Variants in ATG4B observed in about 807,000 individuals in gnomAD.
ATG4B encodes the protein cysteine protease ATG4B.
In ATG4B, 29 loss-of-function variants were observed where a neutral mutation model predicts 56.6. The ratio of observed to expected loss-of-function variants is 0.51; its 90% CI spans 0.38 to 0.70. The LOEUF is 0.70. Among genes scored for constraint, ATG4B ranks in the 30% least tolerant of loss-of-function variants. The pLI is 0.00. For synonymous variants in ATG4B, 224 were observed against 206.1 expected, an observed-to-expected ratio of 1.09 and a Z score of -0.74; for missense variants, 461 against 515.5, an observed-to-expected ratio of 0.89 and a Z score of 1.02.
chr2:241,640,747 G>A (rs191552612), intron 1 of ATG4B, among the ~76,000 whole-genome samples: 1 of 152,282 alleles, frequency 6.6e-6, no homozygotes, highest in African/African-American at 2.4e-5. Context: ...AGTGTAGGAG[G>A]AAGGGCAGGT....
intron 7 of ATG4B, among the ~76,000 whole-genome samples, chr2:241,663,015 C>CA (rs2068637977): frequency 6.6e-6 from 1 of 152,122 alleles, no homozygotes; most frequent in Non-Finnish European, 1.5e-5. Context: ...GTGGGTAGAT[C>CA]ACATGAGGTC....
At chr2:241,669,708 T>C (rs1356329726) in intron 10 of ATG4B, among the ~76,000 whole-genome samples, 3 of 152,182 alleles carry the variant, frequency 2.0e-5, no homozygotes, top group Admixed American at 6.5e-5. Context: ...GGGTTTTCAC[T>C]GTGTTAGCCA....
rs1260655551 is a variant in ATG4B, at chr2:241,655,362, C to T, written c.458+19C>T. The stretch of plus-strand genomic sequence containing the variant: ...TCCTGAAGTATGTACTGCGCTTCCA[C>T]TGCTGAGCATGGGGCAGCAGGGATG... On this transcript the variant is annotated intron_variant, in intron 6 of 12. Transcript: ENST00000404914. 1.9e-6 allele frequency: 3 copies of T among 1,598,402 alleles called. No homozygotes were observed. In the African/African-American group the frequency reaches 4.0e-5, roughly 21 times the overall value.
chr2:241,645,369 T>G (rs1467632609), intron 1 of ATG4B, among the ~76,000 whole-genome samples: 1 of 152,202 alleles, frequency 6.6e-6, no homozygotes, highest in African/African-American at 2.4e-5. Context: ...GACGTTATGT[T>G]GGATTCAGTG....
intron 7 of ATG4B, among the ~76,000 whole-genome samples, chr2:241,664,819 C>T (rs1473114429): frequency 1.3e-5 from 2 of 152,148 alleles, no homozygotes; most frequent in African/African-American, 4.8e-5. Context: ...CAAAAATTAG[C>T]TGGGCGTGGT....
rs2068218062 is a variant in ATG4B at position 241,651,172 on chromosome 2, A to T, written c.112+61A>T. The T allele has an allele frequency of 1.9e-6, 3 of 1,563,830 alleles. No individual in the cohort carries two copies. Among genetic ancestry groups the T allele is most frequent in the Non-Finnish European group, 2.6e-6 (3 of 1,146,628 alleles). On this transcript the variant is annotated intron_variant, in intron 2 of 12. Transcript: ENST00000404914. This position sits in a 1 kb window ranked among gnomAD's most constrained non-coding sequence, Gnocchi z 4.1. Reference sequence around the variant, plus strand: ...GCTTGGCCTGCAGAAGCATTTTGTGATCACTGTTCTCTGCTAACTCTGCCA... The same window carrying T: ...GCTTGGCCTGCAGAAGCATTTTGTGTTCACTGTTCTCTGCTAACTCTGCCA...
chr2:241,666,149 G>T (rs2068759634), intron 7 of ATG4B, among the ~76,000 whole-genome samples: 1 of 152,232 alleles, frequency 6.6e-6, no homozygotes, highest in African/African-American at 2.4e-5. Flanking sequence ...CGATCTAGAC[G>T]CCGGGCATGC....
intron 3 of ATG4B, among the ~76,000 whole-genome samples, chr2:241,652,448 T>C (rs895039841): frequency 6.6e-6 from 1 of 152,240 alleles, no homozygotes; most frequent in Non-Finnish European, 1.5e-5. Flanking sequence ...AGCCTGCACA[T>C]GAAGCAGCCC....
chr2:241,653,191 G>A, intron 3 of ATG4B: 1 of 717,094 alleles, frequency 1.4e-6, no homozygotes, highest in Non-Finnish European at 2.4e-6. Flanking sequence ...AAAATGCGTT[G>A]TTTTGTTTAA....
intron 1 of ATG4B, 126 bp downstream of exon 1, chr2:241,637,850 G>A: frequency 8.5e-7 from 1 of 1,174,132 alleles, no homozygotes; most frequent in Non-Finnish European, 1.1e-6. Context: ...CTGGGCCGGG[G>A]CGGCGGGCGC....
rs1467901206 is a variant in ATG4B at position 241,673,418 on chromosome 2, A to G, written c.*1154A>G. ...ACAGGAGGGCTTGGGGAGCGTGGGC[A>G]CTTTTCTCATGAGCAGCTACTGCGG... On this transcript the variant is annotated 3_prime_UTR_variant, in exon 13 of 13. Transcript: ENST00000404914. The G allele has an allele frequency of 1.3e-5, 5 of 377,468 alleles. No homozygotes were observed. Among genetic ancestry groups the G allele is most frequent in the South Asian group, 7.5e-5 (4 of 53,080 alleles). The allele number at this position is 377,468 out of a possible 1,614,324, so 23.4% of individuals were successfully genotyped here. A position where few individuals can be genotyped will look rare whatever the true frequency, so the allele number is the denominator to read the frequency against.
chr2:241,647,082 C>T (rs974320962), intron 1 of ATG4B, among the ~76,000 whole-genome samples: 3 of 152,054 alleles, frequency 2.0e-5, no homozygotes, highest in African/African-American at 7.2e-5. Flanking sequence ...CTGTGCCTGG[C>T]CTCAGTGCAT....
chr2:241,644,687 T>C (rs1237016553), intron 1 of ATG4B, among the ~76,000 whole-genome samples: 17 of 152,138 alleles, frequency 1.1e-4, no homozygotes, highest in African/African-American at 2.4e-5. Context: ...CGGTGGCTCA[T>C]GCCTGTAATC....
chr2:241,654,660 A>G lies in ATG4B; in HGVS notation c.385+13A>G, dbSNP rs2068339535. The stretch of plus-strand genomic sequence containing the variant: ...ATTCACCAGATAGGTGGGAGGCTGC[A>G]GAATGTGCCAGGCCCCACCCGGGCT... On this transcript the variant is annotated intron_variant, in intron 5 of 12. Coordinates refer to ENST00000404914, the MANE Select transcript of ATG4B (RefSeq NM_013325.5). The G allele has an allele frequency of 7.0e-6, 11 of 1,579,196 alleles. No individual in the cohort carries two copies. The highest frequency in any genetic ancestry group is 6.0e-6 in the Non-Finnish European group (7 of 1,161,486).
chr2:241,668,050 G>A lies in ATG4B; in HGVS notation c.733-93G>A. The A allele has an allele frequency of 2.3e-6, 3 of 1,291,076 alleles. No individual in the cohort carries two copies. The highest frequency in any genetic ancestry group is 3.2e-6 in the Non-Finnish European group (3 of 930,230). 80.0% of individuals were successfully genotyped at this position (1,291,076 alleles called of 1,614,324 possible). A position where few individuals can be genotyped will look rare whatever the true frequency, so the allele number is the denominator to read the frequency against. On this transcript the variant is annotated intron_variant, in intron 8 of 12. Coordinates refer to ENST00000404914, the MANE Select transcript of ATG4B (RefSeq NM_013325.5). This position sits in a 1 kb window ranked among gnomAD's most constrained non-coding sequence, Gnocchi z 4.2. ...GTCCCCTCTTGTGTCACCCAGTTGG[G>A]CCTCAGCAGGCCCTTGGGCCCCCTA...
intron 7 of ATG4B, among the ~76,000 whole-genome samples, chr2:241,660,085 G>A (rs2068543996): frequency 6.6e-6 from 1 of 152,194 alleles, no homozygotes; most frequent in South Asian, 2.1e-4. Context: ...AGCTACTCGG[G>A]AGGCTGAGGC....
chr2:241,666,271 G>A (rs1346759417), intron 7 of ATG4B, among the ~76,000 whole-genome samples: 3 of 152,242 alleles, frequency 2.0e-5, no homozygotes, highest in Admixed American at 6.5e-5. Flanking sequence ...GAGGAAAGGC[G>A]TTGCTGAGGA....
intron 12 of ATG4B, 151 bp downstream of exon 12, chr2:241,671,556 G>A (rs767766623): frequency 3.9e-6 from 6 of 1,532,874 alleles, no homozygotes; most frequent in Non-Finnish European, 5.3e-6. Context: ...GACCAGGTAT[G>A]GAGTGGAGCG....
Position 241,651,048 on chromosome 2 carries a change from G to A in ATG4B, c.49G>A (p.Glu17Lys), listed in dbSNP as rs1392522466. 6.2e-7 allele frequency: 1 copy of A among 1,613,978 alleles called. No individual in the cohort carries two copies. Among genetic ancestry groups the A allele is most frequent in the Non-Finnish European group, 8.5e-7 (1 of 1,179,884 alleles). Residue 17 changes from glutamate to lysine, a missense_variant, in exon 2 of 13, where the codon GAA becomes AAA. By Grantham distance (56) the Glu-to-Lys change is moderately conservative. Transcript: ENST00000404914. This position sits in a 1 kb window ranked among gnomAD's most constrained non-coding sequence, Gnocchi z 4.1. Reference protein sequence around the residue: ...TYDTLRFAEFEDFPETSEPVW... With the variant: ...TYDTLRFAEFKDFPETSEPVW... ...CGACACTCTCCGGTTTGCTGAGTTTGAAGATTTTCCTGAGACCTCAGAGCC... is the reference window on the plus strand; with the variant it reads ...CGACACTCTCCGGTTTGCTGAGTTTAAAGATTTTCCTGAGACCTCAGAGCC...
Sources: gnomAD v4.1 joint callset for allele counts (sites outside exome capture counted in the v4.1 genomes callset) on GRCh38, gnomAD v4.1.1 for gene constraint, Gnocchi (gnomAD v3.1) non-coding constraint, MANE v1.5 for transcripts, NCBI Gene and HGNC (gene_info 2026-07-23, HGNC 2026-07-21) for gene names.